Variants in MYO6 observed in about 807,000 individuals in gnomAD.
MYO6 encodes the protein myosin VI.
In MYO6, 74 loss-of-function variants were observed where a neutral mutation model predicts 178.7. That is an observed-to-expected ratio of 0.41 (90% CI 0.34 to 0.50). The LOEUF (loss-of-function observed/expected upper bound fraction) is 0.50, where lower values mean the gene tolerates loss of function less well. Ranked by LOEUF, MYO6 falls within the 20% of genes least tolerant of loss-of-function variation. MYO6 has a pLI of 0.09. For synonymous variants in MYO6, 477 were observed against 504.6 expected, an observed-to-expected ratio of 0.95 and a Z score of 0.73; for missense variants, 1,330 against 1,547.4, an observed-to-expected ratio of 0.86 and a Z score of 2.36.
At chr6:75,827,819 A>C (rs1238997814) in intron 3 of MYO6, among the ~76,000 whole-genome samples, 1 of 152,226 alleles carries the variant, frequency 6.6e-6, no homozygotes, top group East Asian at 1.9e-4. Context: ...ACTAAGGTTT[A>C]CAATTTCAGT....
At chr6:75,761,057 G>C (rs140940031) in intron 1 of MYO6, among the ~76,000 whole-genome samples, 48 of 152,280 alleles carry the variant, frequency 3.2e-4, no homozygotes, top group African/African-American at 1.1e-3. Flanking sequence ...CAAAGAACCT[G>C]TGTGTGTTTT....
At chr6:75,808,407 C>G (rs953952806) in intron 1 of MYO6, among the ~76,000 whole-genome samples, 5 of 152,170 alleles carry the variant, frequency 3.3e-5, no homozygotes, top group Non-Finnish European at 1.5e-5. Flanking sequence ...TATATGGCCA[C>G]CAATCCTATC....
chr6:75,766,746 T>C (rs1343763949), intron 1 of MYO6, among the ~76,000 whole-genome samples: 1 of 152,246 alleles, frequency 6.6e-6, no homozygotes, highest in Non-Finnish European at 1.5e-5. Flanking sequence ...ATTTATGTGT[T>C]ATTGTATGCT....
At chr6:75,890,602 C>T (rs1417657617) in intron 26 of MYO6, among the ~76,000 whole-genome samples, 3 of 152,184 alleles carry the variant, frequency 2.0e-5, no homozygotes, top group African/African-American at 4.8e-5. Context: ...GCCTCGGCCT[C>T]CCAAAGCGCT....
In MYO6 at chr6:75,902,571, A is replaced by G. The variant is rs9767402; in HGVS notation, c.3176+4160A>G. On this transcript the variant is annotated intron_variant, in intron 30 of 34. Transcript: ENST00000369977. ...GTATTTCTGTGGGATCGGTGGTGACATCCCCTTTATCATTTTTGATTGCGT... is the reference window on the plus strand; with the variant it reads ...GTATTTCTGTGGGATCGGTGGTGACGTCCCCTTTATCATTTTTGATTGCGT... 3.9e-3 allele frequency among the ~76,000 whole-genome samples: 596 copies of G among 152,250 alleles called. 6 individuals are homozygous for G. The highest frequency in any genetic ancestry group is 0.014 in the African/African-American group (571 of 41,552).
chr6:75,867,770 A>G (rs556084608), intron 18 of MYO6, among the ~76,000 whole-genome samples: 4 of 152,270 alleles, frequency 2.6e-5, no homozygotes, highest in South Asian at 2.1e-4. Flanking sequence ...CATTTGTTTT[A>G]TTAATTTTGG....
At chr6:75,856,378 T>C (rs1334909518) in intron 12 of MYO6, among the ~76,000 whole-genome samples, 1 of 152,122 alleles carries the variant, frequency 6.6e-6, no homozygotes, top group African/African-American at 2.4e-5. Flanking sequence ...CAAGAAAGGG[T>C]TCCATTGCAG....
intron 1 of MYO6, among the ~76,000 whole-genome samples, chr6:75,772,692 C>G (rs1002107141): frequency 3.3e-5 from 5 of 152,112 alleles, no homozygotes; most frequent in Admixed American, 2.6e-4. Context: ...GATGTGTTTT[C>G]AGTTGGAGAG....
chr6:75,836,313 G>A (rs1303522241), intron 7 of MYO6, among the ~76,000 whole-genome samples: 2 of 152,160 alleles, frequency 1.3e-5, no homozygotes, highest in Admixed American at 6.5e-5. Flanking sequence ...AGGGTTATTT[G>A]GCATTAGGTG....
chr6:75,903,125 T>C (rs1165795428), intron 30 of MYO6, among the ~76,000 whole-genome samples: 8 of 152,180 alleles, frequency 5.3e-5, no homozygotes, highest in African/African-American at 1.9e-4. Flanking sequence ...TTACATTTGC[T>C]GAGGAGAGCC....
At chr6:75,799,647 G>A (rs756143898) in intron 1 of MYO6, among the ~76,000 whole-genome samples, 1 of 152,028 alleles carries the variant, frequency 6.6e-6, no homozygotes, top group South Asian at 2.1e-4. Context: ...TACAAGGTAG[G>A]GTTTGTGTGT....
intron 26 of MYO6, among the ~76,000 whole-genome samples, chr6:75,890,842 A>G (rs1470666895): frequency 8.5e-5 from 13 of 152,172 alleles, no homozygotes; most frequent in Admixed American, 8.5e-4. Flanking sequence ...AGCTAGATAA[A>G]TGACACTTCT....
intron 1 of MYO6, among the ~76,000 whole-genome samples, chr6:75,778,872 A>T (rs1167559203): frequency 1.3e-5 from 2 of 151,822 alleles, no homozygotes; most frequent in African/African-American, 4.8e-5. Context: ...TCTGGGCAAC[A>T]TAAATCCTAT....
rs1469805628 is a variant in MYO6 at position 75,817,669 on chromosome 6, G to A, written c.117+5G>A. 1.2e-6 allele frequency: 2 copies of A among 1,609,392 alleles called. No homozygotes were observed. The highest frequency in any genetic ancestry group is 2.2e-5 in the South Asian group (2 of 90,982). On this transcript the variant is annotated splice_donor_5th_base_variant and intron_variant, in intron 2 of 34. Coordinates refer to ENST00000369977, the MANE Select transcript of MYO6 (RefSeq NM_004999.4). ...CCCTTGAATCAGAAAGGCAAGGTGA[G>A]TTTCTCAGAAAGATGTTGAAATATG...
At chr6:75,755,151 T>G (rs1187453476) in intron 1 of MYO6, among the ~76,000 whole-genome samples, 2 of 152,188 alleles carry the variant, frequency 1.3e-5, no homozygotes, top group African/African-American at 4.8e-5. Context: ...GAGGATCTCC[T>G]GAGCCCAAGA....
At chr6:75,845,026 T>A (rs1774592820) in intron 10 of MYO6, 49 bp downstream of exon 10, 1 of 1,404,330 alleles carries the variant, frequency 7.1e-7, no homozygotes, top group East Asian at 2.3e-5. Flanking sequence ...AAAAAACTCA[T>A]GCTGAAAGAT....
Position 75,886,893 on chromosome 6 carries a change from T to C in MYO6, c.2557T>C (p.Phe853Leu). 4 of 1,613,842 alleles carry C rather than the reference T, an allele frequency of 2.5e-6. No homozygotes were observed. The highest frequency in any genetic ancestry group is 2.5e-6 in the Non-Finnish European group (3 of 1,179,870). Residue 853 changes from phenylalanine to leucine, a missense_variant, in exon 25 of 35, where the codon TTT (phenylalanine) becomes CTT (leucine). By Grantham distance (22) the Phe-to-Leu change is conservative. This residue lies in a region of MYO6 where 601 missense variants were observed against 626.1 expected (regional missense o/e 0.96). Transcript: ENST00000369977. The stretch of plus-strand genomic sequence containing the variant: ...CACACTGAAAAAACGACTTGATAAA[T>C]TTAATGAGGTAGTCAGTGTGTTGAA... Reference protein sequence around the residue: ...VGTLKKRLDKFNEVVSVLKDG... With the variant: ...VGTLKKRLDKLNEVVSVLKDG...
chr6:75,756,113 A>T lies in MYO6; in HGVS notation c.-48+6690A>T, dbSNP rs183310391. Among the ~76,000 whole-genome samples the T allele has an allele frequency of 8.5e-5, 13 of 152,258 alleles. No homozygotes were observed. The East Asian group carries it at 2.3e-3, about 27-fold the overall frequency. On this transcript the variant is annotated intron_variant, in intron 1 of 34. Coordinates refer to ENST00000369977, the MANE Select transcript of MYO6 (RefSeq NM_004999.4). Reference sequence around the variant, plus strand: ...CTGAGAGAAAATAAATGGGAACTAGAATTGGACACGGTGATGCTTACCTGT... The same window carrying T: ...CTGAGAGAAAATAAATGGGAACTAGTATTGGACACGGTGATGCTTACCTGT...
intron 32 of MYO6, among the ~76,000 whole-genome samples, chr6:75,910,550 G>T (rs1029160380): frequency 6.6e-6 from 1 of 152,110 alleles, no homozygotes; most frequent in Non-Finnish European, 1.5e-5. Flanking sequence ...AGCTTCCTAA[G>T]GGTTCTATCA....
Sources: gnomAD v4.1 joint callset for allele counts (sites outside exome capture counted in the v4.1 genomes callset) on GRCh38, gnomAD v4.1.1 for gene constraint, gnomAD v4.1.1 regional missense constraint, MANE v1.5 for transcripts, NCBI Gene and HGNC (gene_info 2026-07-23, HGNC 2026-07-21) for gene names.